GALNT7: variants seen among roughly 807,000 people sequenced by gnomAD.
GALNT7 encodes the protein N-acetylgalactosaminyltransferase 7.
GALNT7 carries 60 observed loss-of-function variants against 82.1 expected under a neutral mutation model. The observed-to-expected ratio is 0.73, with a 90% CI of 0.59 to 0.91. GALNT7 has a LOEUF of 0.91. Ranked by LOEUF, GALNT7 falls within the 40% of genes least tolerant of loss-of-function variation. GALNT7 has a pLI of 0.00. For synonymous variants in GALNT7, 243 were observed against 275.1 expected, an observed-to-expected ratio of 0.88 and a Z score of 1.15; for missense variants, 660 against 804.2, an observed-to-expected ratio of 0.82 and a Z score of 2.17.
Position 173,313,939 on chromosome 4 carries a change from A to AT in GALNT7, c.1390-18dup, listed in dbSNP as rs748262910. 9.6e-4 allele frequency: 1,024 copies of AT among 1,063,646 alleles called. No homozygotes were observed. The highest frequency in any genetic ancestry group is 2.0e-3 in the South Asian group (134 of 66,336). The allele number at this position is 1,063,646 out of a possible 1,614,324, so 65.9% of individuals were successfully genotyped here. A position where few individuals can be genotyped will look rare whatever the true frequency, so the allele number is the denominator to read the frequency against. ...TGTATTTTTATAACGATATATATAT[A>AT]TATATTTTTTTTTTACAGAATTATG... is the stretch of plus-strand genomic sequence containing the variant. On this transcript the variant is annotated intron_variant, in intron 8 of 11. Transcript: ENST00000265000.
intron 1 of GALNT7, among the ~76,000 whole-genome samples, chr4:173,247,007 G>A (rs908058893): frequency 1.3e-5 from 2 of 152,072 alleles, no homozygotes; most frequent in African/African-American, 4.8e-5. Context: ...CTCAGGCTTA[G>A]ATGTATATTA....
intron 8 of GALNT7, among the ~76,000 whole-genome samples, chr4:173,309,933 A>G (rs762025953): frequency 2.6e-5 from 4 of 152,246 alleles, no homozygotes; most frequent in Non-Finnish European, 5.9e-5. Flanking sequence ...AAAAAAGTCT[A>G]TTCTGAAAGA....
intron 1 of GALNT7, among the ~76,000 whole-genome samples, chr4:173,177,059 C>A (rs886878858): frequency 2.0e-5 from 3 of 152,244 alleles, no homozygotes; most frequent in Admixed American, 2.0e-4. Flanking sequence ...GATGTTGATG[C>A]CTTTAGAAGG....
At chr4:173,291,147 T>C (rs1044629572) in intron 2 of GALNT7, among the ~76,000 whole-genome samples, 1 of 152,224 alleles carries the variant, frequency 6.6e-6, no homozygotes, top group African/African-American at 2.4e-5. Flanking sequence ...TAAATCAAAA[T>C]TGCTGTCTTT....
At chr4:173,229,242 C>T (rs1210378116) in intron 1 of GALNT7, among the ~76,000 whole-genome samples, 1 of 152,124 alleles carries the variant, frequency 6.6e-6, no homozygotes, top group Admixed American at 6.5e-5. Context: ...TATTCACCTA[C>T]CCTAGTGGGC....
chr4:173,187,324 AT>A (rs941301455), intron 1 of GALNT7, among the ~76,000 whole-genome samples: 9 of 150,970 alleles, frequency 6.0e-5, no homozygotes, highest in African/African-American at 2.2e-4. Context: ...TAGATTTGTA[AT>A]TTTTTTTAAC....
intron 1 of GALNT7, among the ~76,000 whole-genome samples, chr4:173,222,089 C>T (rs1468824579): frequency 6.6e-6 from 1 of 152,138 alleles, no homozygotes; most frequent in Non-Finnish European, 1.5e-5. Context: ...AACTAGGAAC[C>T]ATAACAGTTC....
intron 1 of GALNT7, among the ~76,000 whole-genome samples, chr4:173,231,506 C>T (rs1218104757): frequency 6.6e-6 from 1 of 152,134 alleles, no homozygotes; most frequent in African/African-American, 2.4e-5. Flanking sequence ...CAGTGGCTTA[C>T]TGATTGTGTG....
chr4:173,235,985 A>G (rs1466034843), intron 1 of GALNT7, among the ~76,000 whole-genome samples: 1 of 152,194 alleles, frequency 6.6e-6, no homozygotes, highest in Non-Finnish European at 1.5e-5. Flanking sequence ...GCAGGGATGT[A>G]TTTGCTTACC....
chr4:173,293,563 T>C (rs1056563790), intron 3 of GALNT7, among the ~76,000 whole-genome samples: 3 of 152,192 alleles, frequency 2.0e-5, no homozygotes, highest in African/African-American at 7.2e-5. Flanking sequence ...ACTAAATGCA[T>C]ATAAAAGGAG....
intron 8 of GALNT7, among the ~76,000 whole-genome samples, chr4:173,309,921 CA>C (rs1211690168): frequency 6.6e-6 from 1 of 152,070 alleles, no homozygotes; most frequent in African/African-American, 2.4e-5. Flanking sequence ...CAAATTGACT[CA>C]AAAAAAGTCT....
intron 1 of GALNT7, among the ~76,000 whole-genome samples, chr4:173,215,209 C>G (rs1356130391): frequency 1.3e-5 from 2 of 151,788 alleles, no homozygotes; most frequent in African/African-American, 2.4e-5. Flanking sequence ...CTGGCCCCAC[C>G]ACCAACCTCT....
chr4:173,318,403 T>G (rs758359676), intron 10 of GALNT7, 28 bp from the exon 11 acceptor site: 2 of 1,574,946 alleles, frequency 1.3e-6, no homozygotes, highest in Non-Finnish European at 1.7e-6. Context: ...GTGCCTCTGT[T>G]ACTTAATTCT....
At chr4:173,321,243 T>C (rs893233668) in intron 11 of GALNT7, among the ~76,000 whole-genome samples, 3 of 152,120 alleles carry the variant, frequency 2.0e-5, no homozygotes, top group African/African-American at 7.2e-5. Flanking sequence ...AGTGCAGTAT[T>C]TCCTAAGGAC....
chr4:173,246,203 A>G (rs1734628564), intron 1 of GALNT7, among the ~76,000 whole-genome samples: 1 of 152,270 alleles, frequency 6.6e-6, no homozygotes, highest in African/African-American at 2.4e-5. Context: ...GTTCTGGTGG[A>G]ATGCAATTGA....
intron 1 of GALNT7, among the ~76,000 whole-genome samples, chr4:173,243,531 A>G (rs1561170157): frequency 6.6e-6 from 1 of 152,104 alleles, no homozygotes; most frequent in Non-Finnish European, 1.5e-5. Flanking sequence ...ATTCTCATTC[A>G]CTCTCAGAAA....
intron 1 of GALNT7, among the ~76,000 whole-genome samples, chr4:173,209,813 C>G (rs1733214634): frequency 6.6e-6 from 1 of 152,188 alleles, no homozygotes; most frequent in African/African-American, 2.4e-5. Flanking sequence ...CCTTTGTGCT[C>G]AGGCAGAATT....
Position 173,248,510 on chromosome 4 carries a change from G to A in GALNT7, c.587+70G>A, listed in dbSNP as rs1396825307. On this transcript the variant is annotated intron_variant, in intron 2 of 11. Transcript: ENST00000265000. ...TTTCATAGGTTTTTAGGTTTAGTTA[G>A]ATTGTTAGAATGAAGAAATAATTAT... 30 of 927,526 alleles carry A rather than the reference G, an allele frequency of 3.2e-5. No homozygotes were observed. In the East Asian group the frequency reaches 7.3e-4, roughly 23 times the overall value. The allele number at this position is 927,526 out of a possible 1,614,324, so 57.5% of individuals were successfully genotyped here.
intron 2 of GALNT7, among the ~76,000 whole-genome samples, chr4:173,276,749 A>G (rs1735928167): frequency 6.6e-6 from 1 of 152,240 alleles, no homozygotes; most frequent in African/African-American, 2.4e-5. Context: ...GTGTTTGCCA[A>G]GCAACCTTCT....
Sources: gnomAD v4.1 joint callset for allele counts (sites outside exome capture counted in the v4.1 genomes callset) on GRCh38, gnomAD v4.1.1 for gene constraint, MANE v1.5 for transcripts, NCBI Gene and HGNC (gene_info 2026-07-23, HGNC 2026-07-21) for gene names.